HSDL2: variants seen among roughly 807,000 people sequenced by gnomAD.
HSDL2 encodes the protein hydroxysteroid dehydrogenase-like protein 2.
In HSDL2, 27 loss-of-function variants were observed where a neutral mutation model predicts 46.3. The ratio of observed to expected loss-of-function variants is 0.58; its 90% confidence interval spans 0.43 to 0.80. The LOEUF is 0.80. Ranked by LOEUF, HSDL2 falls within the 30% of genes least tolerant of loss-of-function variation. The pLI is 0.00. For synonymous variants in HSDL2, 153 were observed against 163.6 expected, an observed-to-expected ratio of 0.94 and a Z score of 0.50; for missense variants, 451 against 502.7, an observed-to-expected ratio of 0.90 and a Z score of 0.98.
intron 7 of HSDL2, 93 bp from the exon 8 acceptor site, chr9:112,441,605 AT>A: frequency 1.3e-6 from 1 of 784,708 alleles, no homozygotes. Flanking sequence ...CACCAGAAAG[AT>A]TTTTAATAAA....
intron 4 of HSDL2, among the ~76,000 whole-genome samples, chr9:112,412,074 G>T (rs943485009): frequency 1.1e-4 from 16 of 152,144 alleles, no homozygotes; most frequent in Admixed American, 2.6e-4. Flanking sequence ...AATGCTCTGA[G>T]ATCTGAAACT....
intron 10 of HSDL2, among the ~76,000 whole-genome samples, chr9:112,463,609 C>CTT (rs1564135858): frequency 2.0e-5 from 3 of 152,072 alleles, no homozygotes; most frequent in Non-Finnish European, 4.4e-5. Flanking sequence ...GGCTTGTTGT[C>CTT]TTTTTTATTA....
intron 6 of HSDL2, among the ~76,000 whole-genome samples, chr9:112,427,338 AGCCAATGCGCCTG>A (rs1197592335): frequency 6.6e-6 from 1 of 152,220 alleles, no homozygotes; most frequent in Non-Finnish European, 1.5e-5. Flanking sequence ...TACAGGCCTG[AGCCAATGCGCCTG>A]GCCCTCGCCA....
At chr9:112,380,453 C>T (rs1455925164) in intron 1 of HSDL2, among the ~76,000 whole-genome samples, 4 of 152,118 alleles carry the variant, frequency 2.6e-5, no homozygotes, top group African/African-American at 9.7e-5. Context: ...ACCACGCCGC[C>T]CCCAGTGCCG....
intron 4 of HSDL2, among the ~76,000 whole-genome samples, chr9:112,416,305 T>C (rs975846471): frequency 4.0e-5 from 6 of 151,732 alleles, no homozygotes; most frequent in Non-Finnish European, 8.8e-5. Flanking sequence ...GGCACATGCC[T>C]GTAGTCCCAG....
At chr9:112,441,816 T>C (rs1198740967) in intron 8 of HSDL2, 46 bp downstream of exon 8, 1 of 1,231,470 alleles carries the variant, frequency 8.1e-7, no homozygotes, top group Admixed American at 1.8e-5. Flanking sequence ...AAATCCTAAC[T>C]TATGTATTTC....
intron 10 of HSDL2, among the ~76,000 whole-genome samples, chr9:112,469,226 T>C (rs1485377567): frequency 6.6e-6 from 1 of 151,794 alleles, no homozygotes; most frequent in Admixed American, 6.6e-5. Context: ...AGGCATTTAA[T>C]AGCTTAATAT....
At chr9:112,435,029 C>T (rs1285783654) in intron 6 of HSDL2, among the ~76,000 whole-genome samples, 1 of 152,130 alleles carries the variant, frequency 6.6e-6, no homozygotes, top group East Asian at 1.9e-4. Flanking sequence ...ATTGATCCTA[C>T]TGTTAACCTG....
chr9:112,408,615 G>T (rs1252994771), intron 3 of HSDL2, among the ~76,000 whole-genome samples: 5 of 152,164 alleles, frequency 3.3e-5, no homozygotes, highest in African/African-American at 1.2e-4. Flanking sequence ...ATAGCCTATT[G>T]CTTCCAGGCT....
intron 10 of HSDL2, among the ~76,000 whole-genome samples, chr9:112,468,496 G>A (rs1057312303): frequency 6.6e-6 from 1 of 151,894 alleles, no homozygotes; most frequent in Admixed American, 6.6e-5. Context: ...AGCTCATCTT[G>A]TTTTCTGATG....
chr9:112,388,354 G>A (rs111623750), intron 1 of HSDL2, among the ~76,000 whole-genome samples: 1,867 of 149,886 alleles, frequency 0.012, 71 homozygotes, highest in East Asian at 0.11. Context: ...CCAGCTACTC[G>A]GGAGGCTGAC....
intron 1 of HSDL2, among the ~76,000 whole-genome samples, chr9:112,399,498 C>T (rs1451439927): frequency 1.3e-5 from 2 of 152,072 alleles, no homozygotes; most frequent in African/African-American, 4.8e-5. Context: ...CCAGTTGGAC[C>T]ACAAATTTAC....
At chr9:112,434,337 C>G (rs1169894863) in intron 6 of HSDL2, among the ~76,000 whole-genome samples, 2 of 152,174 alleles carry the variant, frequency 1.3e-5, no homozygotes, top group African/African-American at 2.4e-5. Context: ...CTGCAGACTT[C>G]TGTCACCTGG....
intron 10 of HSDL2, among the ~76,000 whole-genome samples, chr9:112,464,901 C>T (rs570342832): frequency 1.3e-5 from 2 of 152,252 alleles, no homozygotes; most frequent in African/African-American, 4.8e-5. Flanking sequence ...TGTAATATCC[C>T]TCAATATCCC....
chr9:112,380,133 T>G lies in HSDL2; in HGVS notation c.-31T>G. 1 of 1,557,886 alleles carries G rather than the reference T, an allele frequency of 6.4e-7. No individual in the cohort carries two copies. The highest frequency in any genetic ancestry group is 8.7e-7 in the Non-Finnish European group (1 of 1,149,414). ...AGCTCTCTGCTCGCCGCCGCCGCTG[T>G]CGCCGCCACCTCCTCTGATCTACGA... On this transcript the variant is annotated 5_prime_UTR_variant, in exon 1 of 11. Transcript: ENST00000398805.
At chr9:112,410,662 C>T (rs1831840157) in intron 4 of HSDL2, among the ~76,000 whole-genome samples, 1 of 45,246 alleles carries the variant, frequency 2.2e-5, no homozygotes, top group African/African-American at 7.9e-5. Context: ...CATGGCGGCT[C>T]ATGCTTGTAA....
At chr9:112,443,155 C>A (rs1832676917) in intron 8 of HSDL2, among the ~76,000 whole-genome samples, 1 of 152,222 alleles carries the variant, frequency 6.6e-6, no homozygotes, top group East Asian at 1.9e-4. Context: ...CCGATTTTTG[C>A]CCAACGCCCT....
chr9:112,412,252 T>A lies in HSDL2; in HGVS notation c.395+3231T>A, dbSNP rs190276020. ...AACTTGTACCACACACCTAGGTATA[T>A]GGCGTCAGGAGAATTTTGACGTGAT... is the stretch of plus-strand genomic sequence containing the variant. On this transcript the variant is annotated intron_variant, in intron 4 of 10. Coordinates refer to ENST00000398805, the MANE Select transcript of HSDL2 (RefSeq NM_032303.5). Among the ~76,000 whole-genome samples the A allele has an allele frequency of 1.3e-3, 193 of 151,818 alleles. 4 individuals carry two copies. In the East Asian group the frequency reaches 0.022, roughly 17 times the overall value.
chr9:112,396,596 A>G (rs1320253217), intron 1 of HSDL2, among the ~76,000 whole-genome samples: 2 of 152,114 alleles, frequency 1.3e-5, no homozygotes, highest in African/African-American at 2.4e-5. Flanking sequence ...GTTTATTCTC[A>G]TTAGAGGAAT....
Sources: gnomAD v4.1 joint callset for allele counts (sites outside exome capture counted in the v4.1 genomes callset) on GRCh38, gnomAD v4.1.1 for gene constraint, MANE v1.5 for transcripts, NCBI Gene and HGNC (gene_info 2026-07-23, HGNC 2026-07-21) for gene names.